Variants in ANAPC1 observed in about 807,000 individuals in gnomAD.
The protein encoded by ANAPC1 is anaphase-promoting complex subunit 1.
Under a neutral mutation model 208.0 loss-of-function variants are expected in ANAPC1, and 36 were observed. That is an observed-to-expected ratio of 0.17 (90% CI 0.13 to 0.23). The LOEUF is 0.23. Ranked by LOEUF, ANAPC1 falls within the 10% of genes least tolerant of loss-of-function variation. The pLI is 1.00. For synonymous variants in ANAPC1, 378 were observed against 695.2 expected (o/e 0.54, Z 7.18); for missense variants, 942 against 2,011.6 (o/e 0.47, Z 10.17).
At chr2:111,876,868 T>C in intron 3 of ANAPC1, among the ~76,000 whole-genome samples, 1 of 151,998 alleles carries the variant, frequency 6.6e-6, no homozygotes, top group Non-Finnish European at 1.5e-5. Context: ...TCGTCAACCC[T>C]AATTCAACTA....
intron 13 of ANAPC1, among the ~76,000 whole-genome samples, chr2:111,852,517 G>A (rs945507454): frequency 8.5e-5 from 13 of 152,080 alleles, no homozygotes; most frequent in Non-Finnish European, 1.3e-4. Flanking sequence ...TCATCAGGAG[G>A]CACAGTGAAA....
chr2:111,867,899 G>T, intron 7 of ANAPC1, 124 bp downstream of exon 7: 1 of 556,972 alleles, frequency 1.8e-6, no homozygotes, highest in South Asian at 3.9e-5. Context: ...CAAAATAGAA[G>T]TTATTTTTGT....
At chr2:111,863,223 T>C (rs1682175957) in intron 9 of ANAPC1, among the ~76,000 whole-genome samples, 1 of 151,886 alleles carries the variant, frequency 6.6e-6, no homozygotes, top group Admixed American at 6.6e-5. Context: ...TAAAAGTGGC[T>C]CAGGGCTGAG....
chr2:111,794,199 A>C (rs537976735), intron 36 of ANAPC1, 34 bp downstream of exon 36: 405 of 1,564,130 alleles, frequency 2.6e-4, no homozygotes, highest in Admixed American at 4.4e-4. Flanking sequence ...AACAAACAAA[A>C]AAAAAGAACA....
intron 3 of ANAPC1, among the ~76,000 whole-genome samples, chr2:111,875,115 A>T (rs1162039859): frequency 1.3e-5 from 2 of 152,354 alleles, no homozygotes; most frequent in Non-Finnish European, 2.9e-5. Context: ...AATAACAGCC[A>T]ACCTAGTAAA....
chr2:111,849,635 C>T (rs1230389282), intron 14 of ANAPC1, among the ~76,000 whole-genome samples: 1 of 152,180 alleles, frequency 6.6e-6, no homozygotes, highest in Non-Finnish European at 1.5e-5. Flanking sequence ...TTCCACATCA[C>T]CTTTCCCCAG....
intron 38 of ANAPC1, among the ~76,000 whole-genome samples, chr2:111,789,193 T>C (rs1223501941): frequency 2.0e-5 from 3 of 152,208 alleles, no homozygotes; most frequent in Admixed American, 6.5e-5. Flanking sequence ...TAAATATAAA[T>C]TCTTTCCTCA....
intron 34 of ANAPC1, among the ~76,000 whole-genome samples, chr2:111,798,369 C>T (rs1463498328): frequency 6.6e-5 from 10 of 152,212 alleles, no homozygotes; most frequent in African/African-American, 2.4e-4. Flanking sequence ...GAATCTGGAA[C>T]TTGGGTACAT....
chr2:111,882,183 C>CA (rs1274939446), intron 1 of ANAPC1, among the ~76,000 whole-genome samples: 42 of 141,482 alleles, frequency 3.0e-4, no homozygotes, highest in South Asian at 9.1e-4. Flanking sequence ...GACTCTGTCT[C>CA]AAAAAAAAAA....
At chr2:111,880,971 A>G (rs1438206500) in intron 1 of ANAPC1, 122 bp from the exon 2 acceptor site, 120 of 908,536 alleles carry the variant, frequency 1.3e-4, no homozygotes, top group Non-Finnish European at 1.6e-4. Context: ...ACTGGTAAGT[A>G]TATAAGTTGG....
At chr2:111,864,054 C>T (rs1573492935) in intron 8 of ANAPC1, among the ~76,000 whole-genome samples, 159 bp from the exon 9 acceptor site, 1 of 152,118 alleles carries the variant, frequency 6.6e-6, no homozygotes, top group East Asian at 1.9e-4. Context: ...AGGCCAGGTG[C>T]CGTGGCTTAC....
At chr2:111,852,341 A>G (rs1377423634) in intron 13 of ANAPC1, among the ~76,000 whole-genome samples, 4 of 151,352 alleles carry the variant, frequency 2.6e-5, no homozygotes, top group Non-Finnish European at 1.5e-5. Flanking sequence ...AAGTGCCTAT[A>G]ACACAGACAT....
At chr2:111,790,982 G>A (rs1677842166) in intron 38 of ANAPC1, among the ~76,000 whole-genome samples, 1 of 152,222 alleles carries the variant, frequency 6.6e-6, no homozygotes, top group Non-Finnish European at 1.5e-5. Context: ...AAAATTTCTG[G>A]AGATTGGTTG....
At chr2:111,791,048 G>C (rs1420655666) in intron 38 of ANAPC1, among the ~76,000 whole-genome samples, 1 of 152,184 alleles carries the variant, frequency 6.6e-6, no homozygotes, top group African/African-American at 2.4e-5. Flanking sequence ...AAATTGATAA[G>C]TTTTATGTTA....
chr2:111,842,471 G>A (rs1289245486), intron 17 of ANAPC1, among the ~76,000 whole-genome samples: 5 of 151,992 alleles, frequency 3.3e-5, no homozygotes, highest in South Asian at 2.1e-4. Context: ...GTGAAACCCC[G>A]TCTCTACTAA....
chr2:111,845,125 A>T (rs1680985907), intron 16 of ANAPC1, among the ~76,000 whole-genome samples: 1 of 152,218 alleles, frequency 6.6e-6, no homozygotes, highest in Non-Finnish European at 1.5e-5. Context: ...GGGGATTACA[A>T]GCATGAGCCC....
chr2:111,791,312 T>G (rs1235955529), intron 38 of ANAPC1, among the ~76,000 whole-genome samples: 3 of 149,998 alleles, frequency 2.0e-5, no homozygotes, highest in Non-Finnish European at 4.4e-5. Flanking sequence ...ATGGAACAAC[T>G]GGAACTTCAC....
intron 10 of ANAPC1, among the ~76,000 whole-genome samples, chr2:111,859,593 A>C (rs1444253848): frequency 6.6e-6 from 1 of 152,250 alleles, no homozygotes; most frequent in Non-Finnish European, 1.5e-5. Context: ...TTATAATTGT[A>C]GGATACTTTT....
intron 47 of ANAPC1, among the ~76,000 whole-genome samples, chr2:111,769,933 C>T (rs1341640273): frequency 1.3e-5 from 2 of 151,890 alleles, no homozygotes; most frequent in Middle Eastern, 3.4e-3. Context: ...CCGCCCGCCT[C>T]GGCCTCCCAA....
Sources: allele counts gnomAD v4.1 joint callset (sites outside exome capture counted in the v4.1 genomes callset), GRCh38; gene constraint gnomAD v4.1.1; transcripts MANE v1.5; gene names NCBI Gene and HGNC (gene_info 2026-07-23, HGNC 2026-07-21).